HMGXB3: variants seen among roughly 807,000 people sequenced by gnomAD.
HMGXB3 encodes HMG-box containing 3.
HMGXB3 carries 45 observed loss-of-function variants against 121.5 expected under a neutral mutation model. The ratio of observed to expected loss-of-function variants is 0.37; its 90% CI spans 0.29 to 0.47. The LOEUF (loss-of-function observed/expected upper bound fraction) is 0.47, where lower values mean the gene tolerates loss of function less well. HMGXB3 is among the 20% of genes least tolerant of loss of function. The pLI, the probability that HMGXB3 is intolerant of heterozygous loss-of-function variation, is 0.99. For synonymous variants in HMGXB3, 590 were observed against 624.1 expected, an observed-to-expected ratio of 0.95 and a Z score of 0.81; for missense variants, 1,376 against 1,602.2, an observed-to-expected ratio of 0.86 and a Z score of 2.41.
intron 18 of HMGXB3, among the ~76,000 whole-genome samples, chr5:150,049,609 C>T (rs1013886050): frequency 9.9e-5 from 15 of 152,244 alleles, no homozygotes; most frequent in African/African-American, 3.1e-4. Flanking sequence ...TGTGTTCATG[C>T]GACAGGGGAT....
chr5:150,032,474 A>C lies in HMGXB3; in HGVS notation c.1854A>C (p.Ser618=), dbSNP rs1756402943. The C allele has an allele frequency of 6.4e-7, 1 of 1,551,690 alleles. No homozygotes were observed. The change falls in exon 11 of 20, where the codon TCA becomes TCC. Residue 618 remains serine (S), a synonymous_variant. Transcript: ENST00000502717. ...TVTLDLGLAT[S]RGRGKCKNPS... ...TTTAGGATTTGGGCCTGGCTACATC[A>C]AGAGGCCGGGGAAAGTGCAAGAATC...
In HMGXB3 at chr5:150,027,050, T is replaced by C. The variant is rs1185477737; in HGVS notation, c.1667T>C (p.Leu556Pro). The C allele has an allele frequency of 2.3e-5, 35 of 1,551,636 alleles. No homozygotes were observed. The East Asian group carries it at 4.2e-4, about 18-fold the overall frequency. ...ACTCCCTCTGTGAGGACTTGTGGTC[T>C]GAAGCCAAGCACACTGAAGCAGCTG... ...DKTPSVRTCG[L>P]KPSTLKQLGQ... Residue 556 changes from leucine (L) to proline (P), a missense_variant, in exon 9 of 20, where the codon CTG (leucine) becomes CCG (proline). Around this residue, in one of 2 missense-constraint regions of HMGXB3, gnomAD observed 1,116 missense variants for 1,369.0 expected, o/e 0.82. Coordinates refer to ENST00000502717, the MANE Select transcript of HMGXB3 (RefSeq NM_014983.3).
Position 150,026,896 on chromosome 5 carries a change from A to T in HMGXB3, c.1636+15A>T. On this transcript the variant is annotated intron_variant, in intron 8 of 19. Transcript: ENST00000502717. ...TTCCCTGAGTGGTAAGGGCTGGGAC[A>T]TACCTGGGATGGAGGGGCTGTCTGA... 1.3e-6 allele frequency: 2 copies of T among 1,510,420 alleles called. No homozygotes were observed. The highest frequency in any genetic ancestry group is 4.9e-5 in the East Asian group (2 of 40,496). 93.6% of individuals were successfully genotyped at this position (1,510,420 alleles called of 1,614,324 possible). A position where few individuals can be genotyped will look rare whatever the true frequency, so the allele number is the denominator to read the frequency against.
Position 150,052,399 on chromosome 5 carries a change from A to G in HMGXB3, c.*207A>G, listed in dbSNP as rs1756943022. ...CCCTCCAGGGGTCAGGAGTGGTACC[A>G]GGAAACCTCTTCTGGCCCCGAGAGA... On this transcript the variant is annotated 3_prime_UTR_variant, in exon 20 of 20. Transcript: ENST00000502717. 1.8e-6 allele frequency: 1 copy of G among 568,366 alleles called. No homozygotes were observed. The highest frequency in any genetic ancestry group is 3.1e-5 in the Admixed American group (1 of 32,624). 35.2% of individuals were successfully genotyped at this position (568,366 alleles called of 1,614,324 possible). A position where few individuals can be genotyped will look rare whatever the true frequency, so the allele number is the denominator to read the frequency against.
intron 15 of HMGXB3, among the ~76,000 whole-genome samples, chr5:150,042,322 G>A (rs1375966234): frequency 2.0e-5 from 3 of 152,194 alleles, no homozygotes; most frequent in African/African-American, 7.2e-5. Flanking sequence ...GGAGGACACA[G>A]GAAACAAATA....
At chr5:150,031,756 C>T (rs1756385865) in intron 10 of HMGXB3, among the ~76,000 whole-genome samples, 1 of 152,134 alleles carries the variant, frequency 6.6e-6, no homozygotes, top group South Asian at 2.1e-4. Context: ...ATTTATTGAG[C>T]ACATATTCTG....
At chr5:150,050,014 C>T (rs1756852897) in intron 18 of HMGXB3, among the ~76,000 whole-genome samples, 1 of 152,110 alleles carries the variant, frequency 6.6e-6, no homozygotes, top group African/African-American at 2.4e-5. Flanking sequence ...TGCCTTTCAG[C>T]CTAAGTTGAG....
chr5:150,031,303 G>T (rs1348838969), intron 10 of HMGXB3, among the ~76,000 whole-genome samples: 1 of 152,246 alleles, frequency 6.6e-6, no homozygotes, highest in Admixed American at 6.5e-5. Flanking sequence ...GTTTCCCACA[G>T]GGTTTTCCCT....
In HMGXB3 at chr5:150,030,600, AACTGGCAGTC is replaced by A. The variant is rs1756349395; in HGVS notation, c.1735-140_1735-131del. 6.3e-6 allele frequency: 4 copies of A among 636,632 alleles called. No individual in the cohort carries two copies. The South Asian group carries it at 7.7e-5, about 12-fold the overall frequency. The allele number at this position is 636,632 out of a possible 1,614,324, so 39.4% of individuals were successfully genotyped here. ...AGCCTTTGGTGGGCTTGTGACTGCC[AACTGGCAGTC>A]CAGAGGGCTCATTTGGAGAATAGCT... On this transcript the variant is annotated intron_variant, in intron 9 of 19. Transcript: ENST00000502717.
intron 6 of HMGXB3, chr5:150,021,919 C>T: frequency 4.0e-6 from 2 of 497,102 alleles, no homozygotes; most frequent in African/African-American, 1.9e-5. Flanking sequence ...CTTTAAAAGC[C>T]TTGGCTGCAG....
intron 9 of HMGXB3, chr5:150,030,212 G>A (rs1756340336): frequency 6.6e-6 from 1 of 152,000 alleles, no homozygotes; most frequent in Non-Finnish European, 1.5e-5. Flanking sequence ...GGTGGCTCTT[G>A]CCTGTAATCC....
At position 150,041,782 on chromosome 5, in the gene HMGXB3, C is replaced by T; in HGVS notation, c.2546-3C>T. The T allele has an allele frequency of 6.5e-7, 1 of 1,550,240 alleles. No individual in the cohort carries two copies. Among genetic ancestry groups the T allele is most frequent in the East Asian group, 2.4e-5 (1 of 40,912 alleles). The stretch of plus-strand genomic sequence containing the variant: ...CTTCTCAGTGTTCTTGCTCTTCTTT[C>T]AGAGAAGACTCTGACCTCGGAGGAG... On this transcript the variant is annotated splice_polypyrimidine_tract_variant and splice_region_variant and intron_variant, in intron 14 of 19. Transcript: ENST00000502717.
In HMGXB3 at chr5:150,047,806, A is replaced by G. The variant is rs765906903; in HGVS notation, c.3084+49A>G. On this transcript the variant is annotated intron_variant, in intron 17 of 19. Transcript: ENST00000502717. ...ATATCGGGGCTTCTGGAGTAGGCTG[A>G]TTGGTCCACTTTTTAGGTCAGGGAT... 21 of 1,546,116 alleles carry G rather than the reference A, an allele frequency of 1.4e-5. No individual in the cohort carries two copies. In the African/African-American group the frequency reaches 1.8e-4, roughly 13 times the overall value.
chr5:150,010,837 C>T (rs1755814520), intron 4 of HMGXB3, among the ~76,000 whole-genome samples: 1 of 152,248 alleles, frequency 6.6e-6, no homozygotes, highest in South Asian at 2.1e-4. Context: ...GAATTTTCTT[C>T]ACATGAGATG....
chr5:150,035,009 G>A lies in HMGXB3; in HGVS notation c.1984-1627G>A, dbSNP rs143538729. Among the ~76,000 whole-genome samples the A allele has an allele frequency of 2.7e-3, 407 of 152,330 alleles. 1 individual carries two copies. The highest frequency in any genetic ancestry group is 9.4e-3 in the African/African-American group (392 of 41,576). On this transcript the variant is annotated intron_variant, in intron 11 of 19. Coordinates refer to ENST00000502717, the MANE Select transcript of HMGXB3 (RefSeq NM_014983.3). ...ATGCCTGCTATGGGCCAGGCTTTCA[G>A]AGATGAATAGGACGTGGCCCTTTCC...
chr5:150,044,410 T>C (rs1756708473), intron 15 of HMGXB3, among the ~76,000 whole-genome samples: 1 of 152,162 alleles, frequency 6.6e-6, no homozygotes, highest in Non-Finnish European at 1.5e-5. Flanking sequence ...GAGCATGCAC[T>C]AAGCACCCCT....
chr5:150,002,062 A>T (rs1159194870), intron 1 of HMGXB3, among the ~76,000 whole-genome samples: 1 of 152,130 alleles, frequency 6.6e-6, no homozygotes, highest in Admixed American at 6.5e-5. Flanking sequence ...GTTAGAATGT[A>T]GGTTTTTGTT....
Position 150,051,759 on chromosome 5 carries a change from A to G in HMGXB3, c.3446A>G (p.Tyr1149Cys), listed in dbSNP as rs1253685480. The change falls in exon 20 of 20, where the codon TAT (tyrosine) becomes TGT (cysteine). Residue 1149 changes from tyrosine (Y) to cysteine (C), a missense_variant. By Grantham distance (194) the Tyr-to-Cys change is radical (BLOSUM62 -2). This residue lies in a region of HMGXB3 where 260 missense variants were observed against 233.2 expected (regional missense o/e 1.11). Coordinates refer to ENST00000502717, the MANE Select transcript of HMGXB3 (RefSeq NM_014983.3). ...VSCPELLDQH[Y>C]TVDMTETEHS... ...TGCCCAGAGCTCTTGGACCAGCATT[A>G]TACTGTGGACATGACAGAAACTGAG... 1 of 1,541,238 alleles carries G rather than the reference A, an allele frequency of 6.5e-7. No individual in the cohort carries two copies. The highest frequency in any genetic ancestry group is 2.0e-5 in the Admixed American group (1 of 50,960).
intron 6 of HMGXB3, among the ~76,000 whole-genome samples, chr5:150,020,742 A>G (rs1756069960): frequency 7.3e-6 from 1 of 137,280 alleles, no homozygotes; most frequent in Non-Finnish European, 1.5e-5. Flanking sequence ...TTTAACTGAA[A>G]CAGCTTTTTT....
Sources: gnomAD v4.1 joint callset for allele counts (sites outside exome capture counted in the v4.1 genomes callset) on GRCh38, gnomAD v4.1.1 for gene constraint, gnomAD v4.1.1 regional missense constraint, MANE v1.5 for transcripts, NCBI Gene and HGNC (gene_info 2026-07-23, HGNC 2026-07-21) for gene names.